ADAMTS19: variants seen among roughly 807,000 people sequenced by gnomAD.
ADAMTS19 encodes the protein ADAM metallopeptidase with thrombospondin type 1 motif 19.
A neutral mutation model predicts 153.3 loss-of-function variants in ADAMTS19; 93 were observed. The ratio of observed to expected loss-of-function variants is 0.61; its 90% CI spans 0.51 to 0.72. The LOEUF (loss-of-function observed/expected upper bound fraction) is 0.72. Among genes scored for constraint, ADAMTS19 ranks in the 30% least tolerant of loss-of-function variants. ADAMTS19 has a pLI of 0.00. For missense variants in ADAMTS19, 1,482 were observed against 1,552.1 expected, an observed-to-expected ratio of 0.95 and a Z score of 0.76; for synonymous variants, 600 against 556.6, an observed-to-expected ratio of 1.08 and a Z score of -1.10.
chr5:129,519,141 G>A (rs907421618), intron 3 of ADAMTS19, among the ~76,000 whole-genome samples: 4 of 152,084 alleles, frequency 2.6e-5, no homozygotes, highest in African/African-American at 9.7e-5. Context: ...CCTCGATGTA[G>A]TACCTGGGTG....
intron 19 of ADAMTS19, among the ~76,000 whole-genome samples, chr5:129,698,494 TTAAAGA>T (rs1444765029): frequency 2.0e-5 from 3 of 152,216 alleles, no homozygotes; most frequent in African/African-American, 7.2e-5. Flanking sequence ...TGAAGGTCTC[TTAAAGA>T]TAAGGAAATG....
At chr5:129,562,399 C>A (rs1158324526) in intron 7 of ADAMTS19, among the ~76,000 whole-genome samples, 3 of 152,212 alleles carry the variant, frequency 2.0e-5, no homozygotes, top group Non-Finnish European at 1.5e-5. Flanking sequence ...AAATGACTGA[C>A]AGTGAAGTTG....
intron 2 of ADAMTS19, among the ~76,000 whole-genome samples, chr5:129,472,933 C>T (rs932429923): frequency 1.3e-4 from 20 of 151,404 alleles, no homozygotes; most frequent in African/African-American, 4.8e-4. Flanking sequence ...AAAGGAAGAC[C>T]GAGGCACATT....
At chr5:129,730,673 C>T (rs1215214012) in intron 21 of ADAMTS19, among the ~76,000 whole-genome samples, 1 of 151,994 alleles carries the variant, frequency 6.6e-6, no homozygotes, top group Admixed American at 6.6e-5. Flanking sequence ...AAACTCAGAC[C>T]GCACAGCATA....
chr5:129,732,909 G>T (rs1757502608), intron 21 of ADAMTS19, among the ~76,000 whole-genome samples: 1 of 151,588 alleles, frequency 6.6e-6, no homozygotes, highest in African/African-American at 2.4e-5. Context: ...CTGACTTTAT[G>T]CTACAAGGCT....
chr5:129,461,820 C>G lies in ADAMTS19; in HGVS notation c.747+63C>G. ...GCTGCTCCTCTCCTTGCCCATAGGT[C>G]AGGATGATTTGCATGCACCTTCTCC... On this transcript the variant is annotated intron_variant, in intron 2 of 22. Transcript: ENST00000274487. The surrounding 1 kb of genome is among the most constrained non-coding windows in gnomAD (Gnocchi z 4.6). 1 of 1,457,110 alleles carries G rather than the reference C, an allele frequency of 6.9e-7. No homozygotes were observed. Among genetic ancestry groups the G allele is most frequent in the Non-Finnish European group, 9.0e-7 (1 of 1,113,478 alleles). The allele number at this position is 1,457,110 out of a possible 1,614,324, so 90.3% of individuals were successfully genotyped here. A position where few individuals can be genotyped will look rare whatever the true frequency, so the allele number is the denominator to read the frequency against.
intron 6 of ADAMTS19, among the ~76,000 whole-genome samples, chr5:129,531,168 A>G (rs774479093): frequency 2.0e-5 from 3 of 152,230 alleles, no homozygotes; most frequent in Non-Finnish European, 4.4e-5. Flanking sequence ...TTGGAATACT[A>G]AATATTATTA....
chr5:129,587,334 CTT>C (rs145292239), intron 7 of ADAMTS19, among the ~76,000 whole-genome samples: 1 of 144,084 alleles, frequency 6.9e-6, no homozygotes, highest in African/African-American at 2.5e-5. Context: ...ACTCGATGTT[CTT>C]TTTTTTTTTT....
At chr5:129,702,565 A>G (rs936596680) in intron 20 of ADAMTS19, among the ~76,000 whole-genome samples, 1 of 152,158 alleles carries the variant, frequency 6.6e-6, no homozygotes, top group Non-Finnish European at 1.5e-5. Flanking sequence ...GCATATTCAC[A>G]AAAATCCTGG....
chr5:129,506,658 C>A (rs1439104506), intron 2 of ADAMTS19, among the ~76,000 whole-genome samples: 1 of 151,856 alleles, frequency 6.6e-6, no homozygotes, highest in Non-Finnish European at 1.5e-5. Flanking sequence ...GACTAATTTA[C>A]CTGCTAACAG....
At chr5:129,595,385 A>T (rs1276177795) in intron 7 of ADAMTS19, among the ~76,000 whole-genome samples, 1 of 152,064 alleles carries the variant, frequency 6.6e-6, no homozygotes, top group Admixed American at 6.6e-5. Context: ...CTGTTCCTAT[A>T]CTTCCCTGAA....
rs566245593 is a variant in ADAMTS19 at position 129,717,463 on chromosome 5, G to A, written c.3312+13072G>A. 1.4e-4 allele frequency among the ~76,000 whole-genome samples: 21 copies of A among 152,130 alleles called. No homozygotes were observed. In the South Asian group the frequency reaches 3.1e-3, roughly 23 times the overall value. On this transcript the variant is annotated intron_variant, in intron 21 of 22. Coordinates refer to ENST00000274487, the MANE Select transcript of ADAMTS19 (RefSeq NM_133638.6). ...ATGAAAGTTAATCAACATAATTTTC[G>A]TAGTCATACAACTCTCTTCACCTTT...
intron 11 of ADAMTS19, among the ~76,000 whole-genome samples, chr5:129,643,326 C>T (rs1752891043): frequency 7.2e-6 from 1 of 139,246 alleles, no homozygotes; most frequent in Admixed American, 7.6e-5. Context: ...TGCACCACTG[C>T]ACTCCAGCCT....
At chr5:129,536,247 C>T (rs1254313455) in intron 6 of ADAMTS19, among the ~76,000 whole-genome samples, 20 of 152,096 alleles carry the variant, frequency 1.3e-4, no homozygotes, top group South Asian at 2.1e-4. Context: ...AAAAAGTGGG[C>T]AAAGTATATG....
At chr5:129,501,862 C>G (rs1192417268) in intron 2 of ADAMTS19, among the ~76,000 whole-genome samples, 1 of 151,654 alleles carries the variant, frequency 6.6e-6, no homozygotes, top group African/African-American at 2.4e-5. Flanking sequence ...AGTAAAGGTC[C>G]ATATAATTTT....
At chr5:129,620,549 A>G (rs1581154595) in intron 8 of ADAMTS19, 69 bp from the exon 9 acceptor site, 3 of 1,143,624 alleles carry the variant, frequency 2.6e-6, no homozygotes, top group Non-Finnish European at 2.3e-6. Context: ...ATTTAACTGC[A>G]GTTATAAAAA....
At chr5:129,526,702 T>A (rs1752020637) in intron 4 of ADAMTS19, among the ~76,000 whole-genome samples, 1 of 151,880 alleles carries the variant, frequency 6.6e-6, no homozygotes, top group African/African-American at 2.4e-5. Context: ...GTTACTCTTT[T>A]CTCTCTTTTT....
intron 11 of ADAMTS19, 150 bp from the exon 12 acceptor site, chr5:129,647,615 A>G (rs1257430891): frequency 6.1e-6 from 5 of 816,856 alleles, no homozygotes; most frequent in African/African-American, 5.2e-5. Flanking sequence ...ACAAAAAACA[A>G]GTGCCAACTT....
intron 6 of ADAMTS19, among the ~76,000 whole-genome samples, chr5:129,548,164 A>C (rs1752931150): frequency 1.3e-5 from 2 of 150,606 alleles, no homozygotes; most frequent in Non-Finnish European, 2.9e-5. Flanking sequence ...CAAAAGCCAA[A>C]ATTGACAAAT....
Sources: allele counts gnomAD v4.1 joint callset (sites outside exome capture counted in the v4.1 genomes callset), GRCh38; gene constraint gnomAD v4.1.1; non-coding constraint Gnocchi (gnomAD v3.1); transcripts MANE v1.5; gene names NCBI Gene and HGNC (gene_info 2026-07-23, HGNC 2026-07-21).